The following TMEM184B variants were observed in gnomAD, a reference collection of about 807,000 sequenced individuals.
The protein encoded by TMEM184B is transmembrane protein 184B, also known as putative MAPK-activating protein FM08.
TMEM184B carries 17 observed loss-of-function variants against 41.8 expected under a neutral mutation model. The observed-to-expected ratio is 0.41, with a 90% CI of 0.28 to 0.61. The LOEUF (loss-of-function observed/expected upper bound fraction) is 0.61, where lower values mean the gene tolerates loss of function less well. Ranked by LOEUF, TMEM184B falls within the 20% of genes least tolerant of loss-of-function variation. TMEM184B has a pLI of 0.34. For missense variants in TMEM184B, 393 were observed against 557.8 expected, an observed-to-expected ratio of 0.70 and a Z score of 2.98; for synonymous variants, 240 against 229.5, an observed-to-expected ratio of 1.05 and a Z score of -0.41.
intron 5 of TMEM184B, among the ~76,000 whole-genome samples, chr22:38,227,530 A>T (rs1284441971): frequency 6.6e-6 from 1 of 152,036 alleles, no homozygotes; most frequent in Non-Finnish European, 1.5e-5. Context: ...TCTGGTTCCT[A>T]GCCCTACTCT....
Position 38,226,891 on chromosome 22 carries a change from T to C in TMEM184B, c.526-21A>G. 5 of 1,564,812 alleles carry C rather than the reference T, an allele frequency of 3.2e-6. No individual in the cohort carries two copies. The highest frequency in any genetic ancestry group is 4.3e-6 in the Non-Finnish European group (5 of 1,155,810). ...GTGGCCTGTTGGGGGGAAAAGGAGG[T>C]TGAGTGTGGAGGAGGAGCACAGAAG... On this transcript the variant is annotated intron_variant, in intron 5 of 8. Transcript: ENST00000361906. This position sits in a 1 kb window ranked among gnomAD's most constrained non-coding sequence, Gnocchi z 4.6.
At chr22:38,264,579 C>T (rs774876553) in intron 1 of TMEM184B, among the ~76,000 whole-genome samples, 29 of 152,168 alleles carry the variant, frequency 1.9e-4, no homozygotes, top group Non-Finnish European at 3.2e-4. Flanking sequence ...GCTCCTGGGT[C>T]CATCACAGAT....
chr22:38,234,534 A>G (rs1031380961), intron 3 of TMEM184B, among the ~76,000 whole-genome samples: 2 of 152,192 alleles, frequency 1.3e-5, no homozygotes, highest in Non-Finnish European at 2.9e-5. Context: ...GTTTTACACT[A>G]GTGTGTTTTG....
chr22:38,257,959 C>T (rs910492137), intron 1 of TMEM184B, among the ~76,000 whole-genome samples: 1 of 152,202 alleles, frequency 6.6e-6, no homozygotes, highest in African/African-American at 2.4e-5. Flanking sequence ...GACAAGGCCC[C>T]CTGGCTCAGT....
chr22:38,234,084 T>TAA (rs135708), intron 3 of TMEM184B, among the ~76,000 whole-genome samples: 152,260 of 152,264 alleles, frequency 1, 76,128 homozygotes, highest in Middle Eastern at 1. Context: ...TTGCATTTTC[T>TAA]AGACTGCCAC....
At chr22:38,257,869 A>G (rs41456252) in intron 1 of TMEM184B, among the ~76,000 whole-genome samples, 11,567 of 152,196 alleles carry the variant, frequency 0.076, 1,183 homozygotes, top group African/African-American at 0.23. Flanking sequence ...CTATAGTGAT[A>G]GGCAAAGGCC....
intron 3 of TMEM184B, among the ~76,000 whole-genome samples, chr22:38,241,204 G>A (rs915169351): frequency 3.3e-5 from 5 of 152,224 alleles, no homozygotes; most frequent in Admixed American, 6.5e-5. Context: ...CGGGGAAAAT[G>A]GCAGAGCTCA....
chr22:38,256,435 T>C (rs999289970), intron 1 of TMEM184B, among the ~76,000 whole-genome samples: 1 of 151,892 alleles, frequency 6.6e-6, no homozygotes, highest in East Asian at 1.9e-4. Flanking sequence ...GCTGGTCTCT[T>C]GGACAGGGTG....
chr22:38,230,890 G>T, intron 4 of TMEM184B, 146 bp from the exon 5 acceptor site: 2 of 785,528 alleles, frequency 2.5e-6, no homozygotes, highest in South Asian at 1.6e-5. Flanking sequence ...GCCAAGCACA[G>T]GGAGAGGCAT....
At position 38,219,349 on chromosome 22, in the gene TMEM184B, T is replaced by C; in HGVS notation, c.*2120A>G. ...TAGATTTCTTCCTCACTTTATTTGC[T>C]CACTTCTGTCACGCATTTAAAATGT... On this transcript the variant is annotated 3_prime_UTR_variant, in exon 9 of 9. Transcript: ENST00000361906. 1.0e-6 allele frequency: 1 copy of C among 985,806 alleles called. No individual in the cohort carries two copies. The highest frequency in any genetic ancestry group is 4.7e-5 in the South Asian group (1 of 21,286). 61.1% of individuals were successfully genotyped at this position (985,806 alleles called of 1,614,324 possible). A position where few individuals can be genotyped will look rare whatever the true frequency, so the allele number is the denominator to read the frequency against.
chr22:38,254,046 A>C (rs1489908835), intron 1 of TMEM184B, among the ~76,000 whole-genome samples: 2 of 151,188 alleles, frequency 1.3e-5, no homozygotes, highest in African/African-American at 2.4e-5. Flanking sequence ...ACTAAAAATA[A>C]AAAAATTAGC....
intron 1 of TMEM184B, among the ~76,000 whole-genome samples, chr22:38,266,957 C>G (rs557282502): frequency 6.6e-6 from 1 of 152,142 alleles, no homozygotes; most frequent in Non-Finnish European, 1.5e-5. Context: ...GTGGCAGGTG[C>G]CTGTACTCCC....
Position 38,220,220 on chromosome 22 carries a change from G to A in TMEM184B, c.*1249C>T, listed in dbSNP as rs2091221579. 2.0e-6 allele frequency: 2 copies of A among 985,782 alleles called. No homozygotes were observed. The allele number at this position is 985,782 out of a possible 1,614,324, so 61.1% of individuals were successfully genotyped here. On this transcript the variant is annotated 3_prime_UTR_variant, in exon 9 of 9. Transcript: ENST00000361906. Reference sequence around the variant, plus strand: ...GCCCCAGGTCTAGAGGTGTGGAGGGGGAGAGGAGGGGCTTGGTGGTCCTGA... The same window carrying A: ...GCCCCAGGTCTAGAGGTGTGGAGGGAGAGAGGAGGGGCTTGGTGGTCCTGA...
Position 38,255,732 on chromosome 22 carries a change from G to A in TMEM184B, c.-58-7713C>T, listed in dbSNP as rs1022041599. Among the ~76,000 whole-genome samples, 16 of 152,322 alleles carry A rather than the reference G, an allele frequency of 1.1e-4. No individual in the cohort carries two copies. The East Asian group carries it at 2.9e-3, about 28-fold the overall frequency. ...AATTACTGATACACACAAGTGATCT[G>A]GATGGATCTCAGGGGTGTTACATTT... On this transcript the variant is annotated intron_variant, in intron 1 of 8. Coordinates refer to ENST00000361906, the MANE Select transcript of TMEM184B (RefSeq NM_012264.5).
At chr22:38,247,644 G>T in intron 2 of TMEM184B, 126 bp downstream of exon 2, 2 of 1,200,912 alleles carry the variant, frequency 1.7e-6, no homozygotes, top group Non-Finnish European at 2.3e-6. Flanking sequence ...ATCGAGGGAA[G>T]CCTCTGAGAA....
chr22:38,219,675 T>C lies in TMEM184B; in HGVS notation c.*1794A>G. ...CCACCCTCCACGCAAACAGCAACGCTGGGCAGGCGAAAACCAAGGGAGTGG... is the reference window on the plus strand; with the variant it reads ...CCACCCTCCACGCAAACAGCAACGCCGGGCAGGCGAAAACCAAGGGAGTGG... On this transcript the variant is annotated 3_prime_UTR_variant, in exon 9 of 9. Transcript: ENST00000361906. 3 of 985,356 alleles carry C rather than the reference T, an allele frequency of 3.0e-6. No homozygotes were observed. The highest frequency in any genetic ancestry group is 3.6e-6 in the Non-Finnish European group (3 of 829,900). The allele number at this position is 985,356 out of a possible 1,614,324, so 61.0% of individuals were successfully genotyped here.
chr22:38,242,986 T>C (rs982676956), intron 3 of TMEM184B, among the ~76,000 whole-genome samples: 5 of 139,382 alleles, frequency 3.6e-5, no homozygotes, highest in Non-Finnish European at 7.5e-5. Context: ...CACTTGAACC[T>C]AGGAGGTGGA....
intron 2 of TMEM184B, among the ~76,000 whole-genome samples, chr22:38,246,440 C>T (rs1288362525): frequency 2.0e-5 from 3 of 152,222 alleles, no homozygotes; most frequent in Admixed American, 6.5e-5. Flanking sequence ...CCCCAGGGGA[C>T]CTCACGCACT....
At chr22:38,230,798 G>A in intron 4 of TMEM184B, 54 bp from the exon 5 acceptor site, 1 of 1,552,420 alleles carries the variant, frequency 6.4e-7, no homozygotes, top group Non-Finnish European at 8.8e-7. Context: ...CCAGGACTTG[G>A]GAACAGTGGG....
Sources: gnomAD v4.1 joint callset for allele counts (sites outside exome capture counted in the v4.1 genomes callset) on GRCh38, gnomAD v4.1.1 for gene constraint, Gnocchi (gnomAD v3.1) non-coding constraint, MANE v1.5 for transcripts, NCBI Gene and HGNC (gene_info 2026-07-23, HGNC 2026-07-21) for gene names.